ERC1: variants seen among roughly 807,000 people sequenced by gnomAD.
ERC1 encodes ELKS/RAB6-interacting/CAST family member 1, also known as RAB6 interacting protein 2.
Under a neutral mutation model 132.0 loss-of-function variants are expected in ERC1, and 56 were observed. The observed-to-expected ratio is 0.42, with a 90% confidence interval of 0.34 to 0.53. ERC1 has a LOEUF of 0.53. ERC1 is among the 20% of genes least tolerant of loss of function. The pLI is 0.03. For synonymous variants in ERC1, 478 were observed against 476.1 expected, an observed-to-expected ratio of 1.00 and a Z score of -0.05; for missense variants, 1,202 against 1,349.9, an observed-to-expected ratio of 0.89 and a Z score of 1.72.
chr12:1,248,042 C>G (rs2076261302), intron 13 of ERC1, among the ~76,000 whole-genome samples: 1 of 152,108 alleles, frequency 6.6e-6, no homozygotes, highest in Non-Finnish European at 1.5e-5. Context: ...GTTGATCGTT[C>G]TAAAGATTAG....
chr12:1,206,622 A>G (rs560883265), intron 12 of ERC1, among the ~76,000 whole-genome samples: 141 of 152,202 alleles, frequency 9.3e-4, no homozygotes, highest in African/African-American at 3.2e-3. Context: ...GTTCAATGAC[A>G]TTAGCACCAG....
intron 16 of ERC1, among the ~76,000 whole-genome samples, chr12:1,393,187 C>G (rs1364814770): frequency 6.6e-6 from 1 of 152,154 alleles, no homozygotes; most frequent in African/African-American, 2.4e-5. Context: ...ATGTATGGAC[C>G]ATGATTTTGT....
intron 1 of ERC1, among the ~76,000 whole-genome samples, chr12:998,892 C>T (rs1961534090): frequency 7.4e-6 from 1 of 134,474 alleles, no homozygotes; most frequent in African/African-American, 2.8e-5. Flanking sequence ...CAGAGTCTTG[C>T]TCTATCGCCC....
intron 16 of ERC1, among the ~76,000 whole-genome samples, chr12:1,394,354 T>G (rs907428556): frequency 2.0e-5 from 3 of 152,086 alleles, no homozygotes; most frequent in Non-Finnish European, 2.9e-5. Flanking sequence ...GAGCCGAGAT[T>G]GCGCCACTGC....
chr12:1,046,010 TAGGCAGGA>T (rs1298451828), intron 2 of ERC1, among the ~76,000 whole-genome samples: 2 of 152,114 alleles, frequency 1.3e-5, no homozygotes, highest in Admixed American at 6.5e-5. Flanking sequence ...TTGTTTTGAT[TAGGCAGGA>T]AGCAGTAGAG....
intron 15 of ERC1, among the ~76,000 whole-genome samples, chr12:1,365,025 C>T (rs1753944497): frequency 6.6e-6 from 1 of 152,136 alleles, no homozygotes; most frequent in African/African-American, 2.4e-5. Flanking sequence ...TTTGCAAAAC[C>T]TACCTTAAAA....
intron 1 of ERC1, among the ~76,000 whole-genome samples, chr12:1,009,518 A>G (rs1401695238): frequency 1.3e-5 from 2 of 152,156 alleles, no homozygotes; most frequent in African/African-American, 4.8e-5. Flanking sequence ...GATCTTGGGC[A>G]ACTTACTGGG....
chr12:1,434,492 C>T (rs1253754099), intron 17 of ERC1, among the ~76,000 whole-genome samples: 3 of 152,214 alleles, frequency 2.0e-5, no homozygotes, highest in Non-Finnish European at 4.4e-5. Flanking sequence ...TCTGTGGCCG[C>T]TTGCTGGCGC....
intron 17 of ERC1, among the ~76,000 whole-genome samples, chr12:1,414,268 G>A (rs867451536): frequency 1.8e-4 from 28 of 152,192 alleles, no homozygotes; most frequent in African/African-American, 5.3e-4. Context: ...CTGAGGTCAG[G>A]ATCCCAGCGT....
intron 15 of ERC1, among the ~76,000 whole-genome samples, chr12:1,337,121 CT>C (rs1264207482): frequency 1.3e-5 from 2 of 152,016 alleles, no homozygotes; most frequent in African/African-American, 4.8e-5. Context: ...TGGCCTTAAT[CT>C]TTGATCTAAT....
intron 11 of ERC1, among the ~76,000 whole-genome samples, chr12:1,184,980 G>A (rs935000196): frequency 2.6e-5 from 4 of 152,056 alleles, no homozygotes; most frequent in Admixed American, 6.6e-5. Flanking sequence ...GCACAACCTC[G>A]GCTCACTGCA....
At chr12:1,016,331 A>AT (rs1965495100) in intron 1 of ERC1, among the ~76,000 whole-genome samples, 1 of 152,112 alleles carries the variant, frequency 6.6e-6, no homozygotes, top group African/African-American at 2.4e-5. Context: ...CTATTAAAGA[A>AT]TTTTTTTGCT....
chr12:1,386,031 C>CTT (rs1163826260), intron 16 of ERC1: 1,071 of 105,848 alleles, frequency 0.01, 68 homozygotes, highest in Non-Finnish European at 0.016. Context: ...CAATGCAGCC[C>CTT]TTTTTTTTTT....
intron 18 of ERC1, among the ~76,000 whole-genome samples, chr12:1,483,820 C>T (rs1014390376): frequency 5.9e-5 from 9 of 151,380 alleles, no homozygotes; most frequent in Non-Finnish European, 1.2e-4. Context: ...CTCCCGAGTA[C>T]CTGGGAACTA....
intron 14 of ERC1, among the ~76,000 whole-genome samples, chr12:1,266,391 CTTTTTTTTTTT>C (rs71293128): frequency 6.5e-4 from 28 of 43,014 alleles, no homozygotes; most frequent in Admixed American, 2.9e-3. Context: ...CGTTTCCTGT[CTTTTTTTTTTT>C]TTTTTTTTTT....
intron 3 of ERC1, among the ~76,000 whole-genome samples, chr12:1,091,377 A>C (rs1241234004): frequency 6.6e-6 from 1 of 151,916 alleles, no homozygotes; most frequent in African/African-American, 2.4e-5. Flanking sequence ...TGAAGAGAAG[A>C]AGCCAGCTTT....
intron 17 of ERC1, among the ~76,000 whole-genome samples, chr12:1,439,081 T>C (rs182186916): frequency 6.6e-6 from 1 of 152,276 alleles, no homozygotes; most frequent in East Asian, 1.9e-4. Flanking sequence ...GAGGCTGTGT[T>C]ATGCCTCTCG....
At chr12:1,181,841 G>T in intron 9 of ERC1, 84 bp from the exon 10 acceptor site, 1 of 1,367,628 alleles carries the variant, frequency 7.3e-7, no homozygotes, top group Non-Finnish European at 9.9e-7. Context: ...GAATATAGAA[G>T]TTTGAAATTC....
chr12:1,488,005 G>A (rs1592372851), intron 18 of ERC1, among the ~76,000 whole-genome samples: 2 of 152,056 alleles, frequency 1.3e-5, no homozygotes, highest in Admixed American at 6.5e-5. Flanking sequence ...GGGCGTGGTA[G>A]CAGGCGCCTG....
Sources: allele counts gnomAD v4.1 joint callset (sites outside exome capture counted in the v4.1 genomes callset), GRCh38; gene constraint gnomAD v4.1.1; transcripts MANE v1.5; gene names NCBI Gene and HGNC (gene_info 2026-07-23, HGNC 2026-07-21).